AP1G1: variants seen among roughly 807,000 people sequenced by gnomAD.
AP1G1 encodes AP-1 complex subunit gamma-1.
In AP1G1, 7 loss-of-function variants were observed where a neutral mutation model predicts 108.3. That is an observed-to-expected ratio of 0.06 (90% CI 0.04 to 0.12). The LOEUF is 0.12. Among genes scored for constraint, AP1G1 ranks in the 10% least tolerant of loss-of-function variants. AP1G1 has a pLI of 1.00. For missense variants in AP1G1, 756 were observed against 1,010.7 expected (o/e 0.75, Z 3.42); for synonymous variants, 379 against 353.5 (o/e 1.07, Z -0.81).
rs148459847 is a variant in AP1G1, at chr16:71,729,128, C to G, written c.*3930G>C. 3.9e-5 allele frequency: 6 copies of G among 152,140 alleles called. No homozygotes were observed. The highest frequency in any genetic ancestry group is 8.8e-5 in the Non-Finnish European group (6 of 67,974). The allele number at this position is 152,140 out of a possible 1,614,324, so 9.4% of individuals were successfully genotyped here. A position where few individuals can be genotyped will look rare whatever the true frequency, so the allele number is the denominator to read the frequency against. On this transcript the variant is annotated 3_prime_UTR_variant, in exon 23 of 23. Transcript: ENST00000299980. ...ATGTTTACATCCATTTTATTCCTCA[C>G]TCGCCTCTAAGACTTATCATTTAAC... is the stretch of plus-strand genomic sequence containing the variant.
intron 2 of AP1G1, among the ~76,000 whole-genome samples, chr16:71,780,333 T>A (rs531674816): frequency 3.6e-4 from 54 of 152,018 alleles, no homozygotes; most frequent in African/African-American, 1.1e-3. Context: ...TGTTTAAAAA[T>A]TTTTTTAAAT....
chr16:71,790,848 A>G (rs958779593), intron 1 of AP1G1, among the ~76,000 whole-genome samples: 1 of 152,226 alleles, frequency 6.6e-6, no homozygotes, highest in South Asian at 2.1e-4. Flanking sequence ...ACACAACCAC[A>G]AAGTATAAAA....
chr16:71,794,835 C>CTTTTTTTTTTTTTTTTTTTTTT lies in AP1G1; in HGVS notation c.-3-5375_-3-5354dup, dbSNP rs55761928. The stretch of plus-strand genomic sequence containing the variant: ...TACCATTCTCAGGCCATGAGAAGTG[C>CTTTTTTTTTTTTTTTTTTTTTT]TTTTTTTTTTTTTTTTTTTTTTTTT... On this transcript the variant is annotated intron_variant, in intron 1 of 22. Coordinates refer to ENST00000299980, the MANE Select transcript of AP1G1 (RefSeq NM_001128.6). Among the ~76,000 whole-genome samples the CTTTTTTTTTTTTTTTTTTTTTT allele has an allele frequency of 3.0e-4, 12 of 39,660 alleles. 2 individuals carry two copies. The highest frequency in any genetic ancestry group is 9.0e-4 in the Admixed American group (2 of 2,214). 26.0% of individuals were successfully genotyped at this position (39,660 alleles called of 152,430 possible).
rs1210284248 is a variant in AP1G1, at chr16:71,738,923, A to G, written c.2268+19T>C. On this transcript the variant is annotated intron_variant, in intron 21 of 22. Coordinates refer to ENST00000299980, the MANE Select transcript of AP1G1 (RefSeq NM_001128.6). The stretch of plus-strand genomic sequence containing the variant: ...CAATCTTTAATCAAAGGAAACATCT[A>G]AAGAAGACATTGTAGTACCTTTGGT... 2 of 1,598,508 alleles carry G rather than the reference A, an allele frequency of 1.3e-6. No individual in the cohort carries two copies. Among genetic ancestry groups the G allele is most frequent in the African/African-American group, 1.4e-5 (1 of 74,022 alleles).
intron 1 of AP1G1, among the ~76,000 whole-genome samples, chr16:71,802,562 T>C (rs1015457232): frequency 6.6e-6 from 1 of 152,046 alleles, no homozygotes; most frequent in Admixed American, 6.6e-5. Flanking sequence ...AAACCCCATC[T>C]CTACTAAAAG....
intron 2 of AP1G1, among the ~76,000 whole-genome samples, chr16:71,775,388 G>C (rs969469920): frequency 6.6e-6 from 1 of 152,046 alleles, no homozygotes; most frequent in African/African-American, 2.4e-5. Context: ...TATCTTAATA[G>C]AAATCAAGTT....
chr16:71,774,651 A>C (rs1567655255), intron 2 of AP1G1, 59 bp from the exon 3 acceptor site: 9 of 1,523,326 alleles, frequency 5.9e-6, no homozygotes, highest in Non-Finnish European at 7.0e-6. Flanking sequence ...AATCTAGAAA[A>C]GCAGTGTTTT....
At chr16:71,792,250 G>A (rs574425340) in intron 1 of AP1G1, among the ~76,000 whole-genome samples, 3 of 152,232 alleles carry the variant, frequency 2.0e-5, no homozygotes, top group South Asian at 2.1e-4. Flanking sequence ...TTGAAAGACC[G>A]TGCCCTCCAA....
intron 1 of AP1G1, among the ~76,000 whole-genome samples, chr16:71,790,437 G>A (rs1010687589): frequency 6.7e-6 from 1 of 150,244 alleles, no homozygotes; most frequent in African/African-American, 2.4e-5. Context: ...CTACTCAGGA[G>A]AATTGCTTGA....
In AP1G1 at chr16:71,790,134, CA is replaced by C. The variant is rs577763797; in HGVS notation, c.-3-653del. Among the ~76,000 whole-genome samples, 24 of 149,646 alleles carry C rather than the reference CA, an allele frequency of 1.6e-4. No homozygotes were observed. In the South Asian group the frequency reaches 4.9e-3, roughly 30 times the overall value. On this transcript the variant is annotated intron_variant, in intron 1 of 22. Coordinates refer to ENST00000299980, the MANE Select transcript of AP1G1 (RefSeq NM_001128.6). ...AAAAACGTTAATAAGGGACATATAA[CA>C]GCCTAAATAATTGTTAACAAACAGA...
rs756185826 is a variant in AP1G1, at chr16:71,789,352, T to C, written c.128A>G (p.Asn43Ser). ...AIRSSFREED[N>S]TYRCRNVAKL... ...TGCCACATTCCGACATCGGTATGTA[T>C]TGTCTTCTTCTCTAAAAGATGACCG... Residue 43 changes from asparagine to serine, a missense_variant, in exon 2 of 23, where the codon AAT becomes AGT. This residue lies in a region of AP1G1 where 304 missense variants were observed against 483.6 expected (regional missense o/e 0.63). Transcript: ENST00000299980. 7 of 1,614,222 alleles carry C rather than the reference T, an allele frequency of 4.3e-6. No individual in the cohort carries two copies. Among genetic ancestry groups the C allele is most frequent in the East Asian group, 2.2e-5 (1 of 44,890 alleles).
chr16:71,742,582 A>G (rs2029921758), intron 19 of AP1G1: 1 of 152,198 alleles, frequency 6.6e-6, no homozygotes, highest in Admixed American at 6.5e-5. Flanking sequence ...ATTCAGAAAG[A>G]CTAAGTCACT....
rs531112996 is a variant in AP1G1 at position 71,786,394 on chromosome 16, G to A, written c.201+2885C>T. ...TAATCACAGCACTTTGGGAGGTTGA[G>A]GCCCAAAGATCACTTGAGCCCAGGA... On this transcript the variant is annotated intron_variant, in intron 2 of 22. Transcript: ENST00000299980. 1.9e-3 allele frequency among the ~76,000 whole-genome samples: 287 copies of A among 152,178 alleles called. 1 individual carries two copies. The highest frequency in any genetic ancestry group is 0.012 in the South Asian group (60 of 4,820).
chr16:71,740,520 A>C (rs951875095), intron 19 of AP1G1, among the ~76,000 whole-genome samples: 5 of 152,250 alleles, frequency 3.3e-5, no homozygotes, highest in Non-Finnish European at 7.3e-5. Context: ...CTTGATAATG[A>C]ATAAGTAAAC....
At chr16:71,758,333 C>A (rs1449243893) in intron 11 of AP1G1, 2 of 468,500 alleles carry the variant, frequency 4.3e-6, no homozygotes, top group Non-Finnish European at 8.7e-6. Context: ...GCCTAACAGT[C>A]ATTTCAGGAT....
intron 2 of AP1G1, among the ~76,000 whole-genome samples, chr16:71,787,147 C>CGT (rs1384524742): frequency 2.0e-5 from 3 of 151,266 alleles, no homozygotes; most frequent in Admixed American, 6.6e-5. Context: ...GGTAACATTC[C>CGT]GTCTCTACTA....
At chr16:71,749,831 C>T in intron 15 of AP1G1, 63 bp downstream of exon 15, 1 of 1,369,298 alleles carries the variant, frequency 7.3e-7, no homozygotes. Flanking sequence ...CCCCATTAAA[C>T]ACTACTCTCC....
At chr16:71,800,111 T>C (rs1168060420) in intron 1 of AP1G1, among the ~76,000 whole-genome samples, 1 of 148,930 alleles carries the variant, frequency 6.7e-6, no homozygotes, top group African/African-American at 2.5e-5. Context: ...ACGCCTGTAA[T>C]CCCAGCACTT....
chr16:71,771,129 T>G, intron 5 of AP1G1, 27 bp downstream of exon 5: 10 of 1,412,744 alleles, frequency 7.1e-6, no homozygotes, highest in Non-Finnish European at 1.0e-5. Context: ...CCCTCAATAC[T>G]TCATGAATAC....
Sources: allele counts gnomAD v4.1 joint callset (sites outside exome capture counted in the v4.1 genomes callset), GRCh38; gene constraint gnomAD v4.1.1; regional missense constraint gnomAD v4.1.1; transcripts MANE v1.5; gene names NCBI Gene and HGNC (gene_info 2026-07-23, HGNC 2026-07-21).